Variants in MCF2L2 observed in about 807,000 individuals in gnomAD.
The protein encoded by MCF2L2 is MCF.2 cell line derived transforming sequence-like 2.
Under a neutral mutation model 150.2 loss-of-function variants are expected in MCF2L2, and 102 were observed. That is an observed-to-expected ratio of 0.68 (90% CI 0.58 to 0.80). MCF2L2 has a LOEUF of 0.80. MCF2L2 is among the 30% of genes least tolerant of loss of function. The probability of loss-of-function intolerance (pLI) is 0.00; values close to 1 mark genes in which losing one functional copy is unlikely to be tolerated. For synonymous variants in MCF2L2, 465 were observed against 491.3 expected, an observed-to-expected ratio of 0.95 and a Z score of 0.71; for missense variants, 1,256 against 1,372.8, an observed-to-expected ratio of 0.91 and a Z score of 1.34.
At chr3:183,254,441 C>T (rs919439755) in intron 15 of MCF2L2, among the ~76,000 whole-genome samples, 2 of 151,908 alleles carry the variant, frequency 1.3e-5, no homozygotes, top group Admixed American at 1.3e-4. Flanking sequence ...TTGTTCCCTC[C>T]GGCCTGCCCG....
At chr3:183,417,597 C>A (rs758472071) in intron 1 of MCF2L2, among the ~76,000 whole-genome samples, 5 of 152,186 alleles carry the variant, frequency 3.3e-5, no homozygotes, top group Non-Finnish European at 7.4e-5. Flanking sequence ...TGAATAACTT[C>A]CTTTAGTATT....
At chr3:183,334,331 A>G (rs1032881887) in intron 5 of MCF2L2, among the ~76,000 whole-genome samples, 2 of 152,192 alleles carry the variant, frequency 1.3e-5, no homozygotes, top group African/African-American at 4.8e-5. Flanking sequence ...GTGTCTCTGC[A>G]AAGATTGTTA....
At position 183,295,493 on chromosome 3, in the gene MCF2L2, C is replaced by T. The variant is rs758343128; in HGVS notation, c.1498-16G>A. The T allele has an allele frequency of 3.7e-5, 59 of 1,613,422 alleles. No homozygotes were observed. Among genetic ancestry groups the T allele is most frequent in the Middle Eastern group, 3.3e-4 (2 of 6,080 alleles). ...GGGCTTTGGCCTACAGTAACAAAAG[C>T]AAATCATGATGAACAGGTCTCTCTG... On this transcript the variant is annotated splice_polypyrimidine_tract_variant and intron_variant, in intron 12 of 29. Transcript: ENST00000328913.
At chr3:183,337,187 G>A (rs932650223) in intron 5 of MCF2L2, among the ~76,000 whole-genome samples, 28 of 152,210 alleles carry the variant, frequency 1.8e-4, no homozygotes, top group Admixed American at 1.1e-3. Context: ...CCAGCTGATG[G>A]ACATTCTTGT....
At chr3:183,390,922 C>T (rs1009137169) in intron 1 of MCF2L2, among the ~76,000 whole-genome samples, 1 of 151,364 alleles carries the variant, frequency 6.6e-6, no homozygotes, top group African/African-American at 2.5e-5. Flanking sequence ...AAAACAAAAA[C>T]AATAACAAAA....
chr3:183,421,707 T>C (rs902573018), intron 1 of MCF2L2, among the ~76,000 whole-genome samples: 1 of 152,248 alleles, frequency 6.6e-6, no homozygotes, highest in African/African-American at 2.4e-5. Flanking sequence ...CCTGTTTGTT[T>C]GAAGGTCTCA....
At chr3:183,306,303 C>G (rs1246133299) in intron 10 of MCF2L2, among the ~76,000 whole-genome samples, 3 of 152,116 alleles carry the variant, frequency 2.0e-5, no homozygotes, top group Admixed American at 2.0e-4. Flanking sequence ...ACCTCCCACT[C>G]AGGATAAATA....
At chr3:183,370,674 G>A (rs1056685031) in intron 3 of MCF2L2, among the ~76,000 whole-genome samples, 5 of 152,196 alleles carry the variant, frequency 3.3e-5, no homozygotes, top group Non-Finnish European at 7.3e-5. Flanking sequence ...TCATTCCACT[G>A]GGAAGAAGTA....
intron 15 of MCF2L2, among the ~76,000 whole-genome samples, chr3:183,248,145 A>C (rs1404227030): frequency 6.6e-6 from 1 of 152,138 alleles, no homozygotes; most frequent in Non-Finnish European, 1.5e-5. Flanking sequence ...TATTTATTAA[A>C]TATGATGCAA....
chr3:183,364,533 AC>A (rs1226675977), intron 3 of MCF2L2, among the ~76,000 whole-genome samples: 20 of 152,150 alleles, frequency 1.3e-4, no homozygotes, highest in African/African-American at 4.8e-4. Context: ...AATAAAAAAA[AC>A]AAAAGATAAA....
intron 15 of MCF2L2, among the ~76,000 whole-genome samples, chr3:183,246,932 G>A (rs1724285699): frequency 6.6e-6 from 1 of 152,130 alleles, no homozygotes; most frequent in Non-Finnish European, 1.5e-5. Context: ...TTTAATGTGT[G>A]CGTTATCTTA....
chr3:183,291,257 C>T (rs767149279), intron 13 of MCF2L2, among the ~76,000 whole-genome samples: 7 of 152,116 alleles, frequency 4.6e-5, no homozygotes, highest in African/African-American at 1.4e-4. Context: ...CAGTGAAAGG[C>T]GGGGCCACAG....
chr3:183,401,109 TGTCA>T (rs1714730794), intron 1 of MCF2L2, among the ~76,000 whole-genome samples: 1 of 151,720 alleles, frequency 6.6e-6, no homozygotes, highest in Non-Finnish European at 1.5e-5. Context: ...ATTCTTTGCC[TGTCA>T]TGATGTGATC....
intron 3 of MCF2L2, among the ~76,000 whole-genome samples, chr3:183,345,862 T>G (rs1357540093): frequency 6.6e-6 from 1 of 152,080 alleles, no homozygotes; most frequent in South Asian, 2.1e-4. Flanking sequence ...CTCCCAAGAC[T>G]AAACCAGGAA....
intron 3 of MCF2L2, among the ~76,000 whole-genome samples, chr3:183,363,594 G>T (rs1218441888): frequency 6.6e-6 from 1 of 152,106 alleles, no homozygotes; most frequent in South Asian, 2.1e-4. Context: ...AAAATAATTA[G>T]CCAGGCATAA....
chr3:183,205,694 A>ACAACCC (rs1427244167), intron 25 of MCF2L2, among the ~76,000 whole-genome samples, 182 bp downstream of exon 25: 4 of 152,144 alleles, frequency 2.6e-5, no homozygotes, highest in Non-Finnish European at 4.4e-5. Context: ...ACACAATCAC[A>ACAACCC]CAACCCCTCC....
At chr3:183,333,811 G>C (rs1389401993) in intron 5 of MCF2L2, among the ~76,000 whole-genome samples, 1 of 152,096 alleles carries the variant, frequency 6.6e-6, no homozygotes, top group Non-Finnish European at 1.5e-5. Flanking sequence ...AGTAGTAATA[G>C]CACATCTTGC....
rs577129922 is a variant in MCF2L2 at position 183,364,381 on chromosome 3, A to G, written c.275+14916T>C. ...AATACAAAAAAAAAATTAGCTGGGC[A>G]TGGTGGTGGGTGCCTGTAGTCCCAG... On this transcript the variant is annotated intron_variant, in intron 3 of 29. Transcript: ENST00000328913. Among the ~76,000 whole-genome samples the G allele has an allele frequency of 5.7e-4, 87 of 151,976 alleles. 1 individual carries two copies. Among genetic ancestry groups the G allele is most frequent in the South Asian group, 4.2e-4 (2 of 4,812 alleles).
intron 22 of MCF2L2, among the ~76,000 whole-genome samples, chr3:183,212,956 T>TGGGGGGGGGGGGGGGGGG (rs1173392435): frequency 2.6e-4 from 1 of 3,866 alleles, no homozygotes; most frequent in Non-Finnish European, 6.3e-4. Context: ...TGTGGGGGGG[T>TGGGGGGGGGGGGGGGGGG]GGGGGGGGTG....
Sources: allele counts gnomAD v4.1 joint callset (sites outside exome capture counted in the v4.1 genomes callset), GRCh38; gene constraint gnomAD v4.1.1; transcripts MANE v1.5; gene names NCBI Gene and HGNC (gene_info 2026-07-23, HGNC 2026-07-21).